Variants in DNER observed in about 807,000 individuals in gnomAD.
DNER encodes the protein delta/notch like EGF repeat containing, also known as delta and Notch-like epidermal growth factor-related receptor.
Under a neutral mutation model 78.2 loss-of-function variants are expected in DNER, and 33 were observed. That is an observed-to-expected ratio of 0.42 (90% CI 0.32 to 0.56). DNER has a LOEUF of 0.56. DNER is among the 20% of genes least tolerant of loss of function. DNER has a pLI of 0.11. For synonymous variants in DNER, 417 were observed against 384.8 expected (o/e 1.08, Z -0.98); for missense variants, 918 against 975.3 (o/e 0.94, Z 0.78).
At chr2:229,544,726 G>A (rs547947602) in intron 5 of DNER, among the ~76,000 whole-genome samples, 42 of 152,076 alleles carry the variant, frequency 2.8e-4, no homozygotes, top group African/African-American at 9.9e-4. Context: ...TAGAGACAGG[G>A]TTTCACCATG....
intron 7 of DNER, among the ~76,000 whole-genome samples, chr2:229,469,755 C>A (rs2154211103): frequency 6.6e-6 from 1 of 152,252 alleles, no homozygotes; most frequent in East Asian, 1.9e-4. Flanking sequence ...CCAGCTTGGC[C>A]AACATGGCGA....
chr2:229,386,136 G>A (rs1223331620), intron 11 of DNER, among the ~76,000 whole-genome samples: 2 of 152,168 alleles, frequency 1.3e-5, no homozygotes, highest in African/African-American at 2.4e-5. Flanking sequence ...CAGAGTAATG[G>A]AAAAGAACAG....
intron 7 of DNER, among the ~76,000 whole-genome samples, chr2:229,465,058 G>A (rs538313878): frequency 1.3e-5 from 2 of 152,150 alleles, no homozygotes; most frequent in African/African-American, 4.8e-5. Context: ...AGTACGATTT[G>A]ACCCAGCAAT....
chr2:229,656,986 G>GTGTGTGTA (rs1491579322), intron 1 of DNER, among the ~76,000 whole-genome samples: 1 of 70 alleles, frequency 0.014, no homozygotes, highest in Non-Finnish European at 0.045. Flanking sequence ...CAGTTACCAC[G>GTGTGTGTA]TGTGTGTGTG....
In DNER at chr2:229,447,402, T is replaced by C. The variant is rs778471019; in HGVS notation, c.1400A>G (p.Gln467Arg). 3 of 1,613,810 alleles carry C rather than the reference T, an allele frequency of 1.9e-6. No individual in the cohort carries two copies. Among genetic ancestry groups the C allele is most frequent in the South Asian group, 1.1e-5 (1 of 90,956 alleles). ...SPGFTGPTCA[Q>R]LIDFCALSPC... ...GCTGAGGGCACAGAAGTCAATAAGCTGGGCACAGGTCGGCCCTGTGAAGCC... is the reference window on the plus strand; with the variant it reads ...GCTGAGGGCACAGAAGTCAATAAGCCGGGCACAGGTCGGCCCTGTGAAGCC... Residue 467 changes from glutamine to arginine, a missense_variant, in exon 8 of 13, where the codon CAG becomes CGG. Physicochemically the swap from Gln to Arg is conservative, Grantham distance 43. Transcript: ENST00000341772.
chr2:229,615,303 C>A (rs1318636111), intron 1 of DNER, among the ~76,000 whole-genome samples: 1 of 151,074 alleles, frequency 6.6e-6, no homozygotes, highest in Non-Finnish European at 1.5e-5. Context: ...CCCAGCTACT[C>A]GGGAAGCTGA....
chr2:229,359,432 G>A (rs1286380417), intron 12 of DNER, among the ~76,000 whole-genome samples: 1 of 152,042 alleles, frequency 6.6e-6, no homozygotes, highest in African/African-American at 2.4e-5. Flanking sequence ...TCAACTTCTG[G>A]GTGGTCTCTT....
Position 229,431,504 on chromosome 2 carries a change from A to T in DNER, c.1487-13274T>A, listed in dbSNP as rs186663766. On this transcript the variant is annotated intron_variant, in intron 8 of 12. Transcript: ENST00000341772. The stretch of plus-strand genomic sequence containing the variant: ...TCAATCTCTTCACAATGTTTTAGCT[A>T]TGTCTTATGACTTTTTTTTTTAATG... Among the ~76,000 whole-genome samples, 3 of 150,428 alleles carry T rather than the reference A, an allele frequency of 2.0e-5. No homozygotes were observed. In the East Asian group the frequency reaches 5.9e-4, roughly 30 times the overall value.
chr2:229,510,952 T>C (rs1046137987), intron 6 of DNER, among the ~76,000 whole-genome samples: 4 of 152,254 alleles, frequency 2.6e-5, no homozygotes, highest in African/African-American at 9.6e-5. Context: ...AGAAAAATAC[T>C]TAATCATCTG....
intron 7 of DNER, among the ~76,000 whole-genome samples, chr2:229,457,167 A>G (rs1026134495): frequency 1.3e-5 from 2 of 152,094 alleles, no homozygotes; most frequent in Non-Finnish European, 2.9e-5. Context: ...CAAAAATACT[A>G]AAGAAAGTTA....
At position 229,570,726 on chromosome 2, in the gene DNER, G is replaced by A. The variant is rs1363018199; in HGVS notation, c.847+15132C>T. ...GCACGAGAGGAGAAGCGGGGTTGCA[G>A]TTGTATAAGAGTGGAGGTTAGACTG... On this transcript the variant is annotated intron_variant, in intron 4 of 12. Coordinates refer to ENST00000341772, the MANE Select transcript of DNER (RefSeq NM_139072.4). Among the ~76,000 whole-genome samples, 187 of 152,166 alleles carry A rather than the reference G, an allele frequency of 1.2e-3. 1 individual carries two copies. The highest frequency in any genetic ancestry group is 3.5e-4 in the Non-Finnish European group (24 of 67,998).
intron 7 of DNER, among the ~76,000 whole-genome samples, chr2:229,458,626 T>C (rs1694627885): frequency 7.3e-6 from 1 of 136,856 alleles, no homozygotes. Context: ...ACTTGCTGTA[T>C]CTTTTAGGGT....
At chr2:229,433,617 G>A (rs1259021830) in intron 8 of DNER, among the ~76,000 whole-genome samples, 1 of 152,162 alleles carries the variant, frequency 6.6e-6, no homozygotes, top group Non-Finnish European at 1.5e-5. Flanking sequence ...ATTCGTGAGG[G>A]CAATTTTTCC....
chr2:229,562,116 C>T (rs1272760899), intron 4 of DNER, among the ~76,000 whole-genome samples: 2 of 152,088 alleles, frequency 1.3e-5, no homozygotes, highest in African/African-American at 4.8e-5. Context: ...GTTGAAGCCA[C>T]TGTATTTGAG....
chr2:229,675,797 C>T (rs1699292166), intron 1 of DNER, among the ~76,000 whole-genome samples: 1 of 152,162 alleles, frequency 6.6e-6, no homozygotes, highest in South Asian at 2.1e-4. Flanking sequence ...TTCAGGCTGG[C>T]AAGTTCCCAA....
intron 4 of DNER, among the ~76,000 whole-genome samples, chr2:229,555,840 G>T (rs1176580580): frequency 6.6e-6 from 1 of 151,670 alleles, no homozygotes; most frequent in Non-Finnish European, 1.5e-5. Flanking sequence ...GAGAAATGGA[G>T]CCTGCTAGAA....
At chr2:229,378,480 CTG>C (rs1574814158) in intron 11 of DNER, among the ~76,000 whole-genome samples, 1 of 152,174 alleles carries the variant, frequency 6.6e-6, no homozygotes, top group African/African-American at 2.4e-5. Flanking sequence ...AAGCAGGACA[CTG>C]TGGCTACTGC....
intron 10 of DNER, among the ~76,000 whole-genome samples, 196 bp from the exon 11 acceptor site, chr2:229,388,592 AATATATAT>A (rs56042896): frequency 0.015 from 882 of 57,536 alleles, 16 homozygotes; most frequent in Non-Finnish European, 0.02. Context: ...CTAAAAAGGA[AATATATAT>A]ATATATATAT....
intron 1 of DNER, among the ~76,000 whole-genome samples, chr2:229,594,317 G>A (rs561961208): frequency 6.8e-4 from 104 of 152,294 alleles, no homozygotes; most frequent in Non-Finnish European, 1.0e-3. Flanking sequence ...GGCCGGGCGC[G>A]GTGGCTCACG....
Sources: allele counts gnomAD v4.1 joint callset (sites outside exome capture counted in the v4.1 genomes callset), GRCh38; gene constraint gnomAD v4.1.1; transcripts MANE v1.5; gene names NCBI Gene and HGNC (gene_info 2026-07-23, HGNC 2026-07-21).